The following VSNL1 variants were observed in gnomAD, a reference collection of about 807,000 sequenced individuals.
VSNL1 encodes the protein visinin like 1.
In VSNL1, 6 loss-of-function variants were observed where a neutral mutation model predicts 20.4. The observed-to-expected ratio is 0.29, with a 90% CI of 0.16 to 0.58. The LOEUF is 0.58. VSNL1 is among the 20% of genes least tolerant of loss of function. The probability of loss-of-function intolerance (pLI) is 0.90; values close to 1 mark genes in which losing one functional copy is unlikely to be tolerated. For missense variants in VSNL1, 100 were observed against 234.5 expected (o/e 0.43, Z 3.75); for synonymous variants, 93 against 86.4 (o/e 1.08, Z -0.42).
chr2:17,594,777 G>A (rs1664675346), intron 2 of VSNL1, among the ~76,000 whole-genome samples: 1 of 152,220 alleles, frequency 6.6e-6, no homozygotes, highest in Non-Finnish European at 1.5e-5. Flanking sequence ...TCTGATGAGT[G>A]TTTAAGGAGG....
chr2:17,611,045 GAGA>G, intron 2 of VSNL1, among the ~76,000 whole-genome samples: 1 of 152,344 alleles, frequency 6.6e-6, no homozygotes, highest in Non-Finnish European at 1.5e-5. Flanking sequence ...GAGAGAAACA[GAGA>G]AGGAGATAGG....
At chr2:17,612,580 CTG>C (rs1665115940) in intron 2 of VSNL1, among the ~76,000 whole-genome samples, 1 of 152,266 alleles carries the variant, frequency 6.6e-6, no homozygotes, top group Non-Finnish European at 1.5e-5. Flanking sequence ...AGGAGGAAGA[CTG>C]TGACAGAATG....
At chr2:17,597,687 A>T (rs973141438) in intron 2 of VSNL1, among the ~76,000 whole-genome samples, 1 of 152,186 alleles carries the variant, frequency 6.6e-6, no homozygotes, top group Non-Finnish European at 1.5e-5. Context: ...ATTAGAAAAC[A>T]TGCTTCCAGC....
At chr2:17,572,339 G>T (rs866185288) in intron 1 of VSNL1, among the ~76,000 whole-genome samples, 3 of 152,148 alleles carry the variant, frequency 2.0e-5, no homozygotes, top group South Asian at 2.1e-4. Flanking sequence ...TTTGTCTGGC[G>T]CATGCAGTAG....
chr2:17,649,428 G>A lies in VSNL1; in HGVS notation c.181G>A (p.Ala61Thr), dbSNP rs761448259. 2 of 1,614,168 alleles carry A rather than the reference G, an allele frequency of 1.2e-6. No homozygotes were observed. The highest frequency in any genetic ancestry group is 2.2e-5 in the East Asian group (1 of 44,876). ...LYVKFFPYGD[A>T]SKFAQHAFRT... ...TTTGCAGTTCTTTCCTTATGGAGAC[G>A]CCTCCAAGTTTGCCCAGCATGCCTT... is the stretch of plus-strand genomic sequence containing the variant. The change falls in exon 3 of 4, where the codon GCC (alanine) becomes ACC (threonine). Residue 61 changes from alanine to threonine, a missense_variant. Physicochemically the swap from Ala to Thr is moderately conservative, Grantham distance 58 (BLOSUM62 0). Coordinates refer to ENST00000295156, the MANE Select transcript of VSNL1 (RefSeq NM_003385.5). The surrounding 1 kb of genome is among the most constrained non-coding windows in gnomAD (Gnocchi z 6.4).
chr2:17,540,950 C>T (rs1384575866), intron 1 of VSNL1, 32 bp downstream of exon 1: 1 of 152,258 alleles, frequency 6.6e-6, no homozygotes, highest in Non-Finnish European at 1.5e-5. Flanking sequence ...CGTTGCATTT[C>T]TGCATGTGTA....
chr2:17,603,133 T>C (rs1253186192), intron 2 of VSNL1, among the ~76,000 whole-genome samples: 1 of 152,234 alleles, frequency 6.6e-6, no homozygotes, highest in Non-Finnish European at 1.5e-5. Context: ...ATGTCATTCC[T>C]AACAGAGAGA....
intron 1 of VSNL1, among the ~76,000 whole-genome samples, chr2:17,579,324 C>A (rs1272743510): frequency 6.6e-6 from 1 of 152,048 alleles, no homozygotes; most frequent in South Asian, 2.1e-4. Flanking sequence ...ACTGTGTTAT[C>A]CAGGATAGTG....
Position 17,649,354 on chromosome 2 carries a change from C to A in VSNL1, c.163-56C>A. 1 of 1,552,070 alleles carries A rather than the reference C, an allele frequency of 6.4e-7. No homozygotes were observed. The highest frequency in any genetic ancestry group is 1.1e-5 in the South Asian group (1 of 89,468). On this transcript the variant is annotated intron_variant, in intron 2 of 3. Transcript: ENST00000295156. The surrounding 1 kb of genome is among the most constrained non-coding windows in gnomAD (Gnocchi z 6.4). Reference sequence around the variant, plus strand: ...TGATGCCGTCATTAGGAACCTACCTCGTCGCCCCGATTCCATCCCCTCCCG... The same window carrying A: ...TGATGCCGTCATTAGGAACCTACCTAGTCGCCCCGATTCCATCCCCTCCCG...
intron 1 of VSNL1, among the ~76,000 whole-genome samples, chr2:17,583,948 T>G (rs1399735452): frequency 6.6e-6 from 1 of 152,224 alleles, no homozygotes. Context: ...ATGAGGATAA[T>G]AATAGTTACT....
intron 2 of VSNL1, among the ~76,000 whole-genome samples, chr2:17,613,864 T>C (rs1665149668): frequency 6.6e-6 from 1 of 152,168 alleles, no homozygotes; most frequent in South Asian, 2.1e-4. Context: ...GGGAGATCAA[T>C]AATGAGAAAG....
intron 2 of VSNL1, among the ~76,000 whole-genome samples, chr2:17,629,736 C>A (rs1320164300): frequency 1.3e-5 from 2 of 152,226 alleles, no homozygotes; most frequent in African/African-American, 4.8e-5. Flanking sequence ...CCGCATTCAA[C>A]AATTCCTGAG....
At chr2:17,585,374 C>T (rs1300584530) in intron 1 of VSNL1, among the ~76,000 whole-genome samples, 9 of 133,770 alleles carry the variant, frequency 6.7e-5, no homozygotes, top group Non-Finnish European at 1.5e-4. Flanking sequence ...AGATATTTGC[C>T]TTCATTATAA....
intron 1 of VSNL1, among the ~76,000 whole-genome samples, chr2:17,566,594 T>A (rs971405030): frequency 6.6e-6 from 1 of 152,192 alleles, no homozygotes; most frequent in Non-Finnish European, 1.5e-5. Context: ...TTGGAATTCC[T>A]TATAAATTCT....
chr2:17,579,643 A>G (rs1234360994), intron 1 of VSNL1, among the ~76,000 whole-genome samples: 3 of 152,212 alleles, frequency 2.0e-5, no homozygotes, highest in Non-Finnish European at 1.5e-5. Context: ...AAGGTCACAC[A>G]GGAAAACACT....
Position 17,623,180 on chromosome 2 carries a change from GAATAGATGTAATTA to G in VSNL1, c.163-26225_163-26212del, listed in dbSNP as rs1665426540. On this transcript the variant is annotated intron_variant, in intron 2 of 3. Coordinates refer to ENST00000295156, the MANE Select transcript of VSNL1 (RefSeq NM_003385.5). The stretch of plus-strand genomic sequence containing the variant: ...TTATATCAATATCTTAAAAAAAATT[GAATAGATGTAATTA>G]AATATGAATTTAAAATCATTCTAAA... Among the ~76,000 whole-genome samples the G allele has an allele frequency of 1.1e-4, 16 of 152,142 alleles. No individual in the cohort carries two copies. The South Asian group carries it at 3.3e-3, about 32-fold the overall frequency.
chr2:17,584,217 C>T (rs1329806695), intron 1 of VSNL1, among the ~76,000 whole-genome samples: 2 of 150,626 alleles, frequency 1.3e-5, no homozygotes, highest in Non-Finnish European at 3.0e-5. Context: ...AAAGAGACAT[C>T]AGAACCTGAC....
chr2:17,655,424 A>T lies in VSNL1; in HGVS notation c.*30A>T. ...ATGTCAATGCTATGGACTGCACAAA[A>T]GTCTCAATGTTCCATTCAGTCTGCA... is the stretch of plus-strand genomic sequence containing the variant. On this transcript the variant is annotated 3_prime_UTR_variant, in exon 4 of 4. Transcript: ENST00000295156. The surrounding 1 kb of genome is among the most constrained non-coding windows in gnomAD (Gnocchi z 5.2). 3.8e-6 allele frequency: 6 copies of T among 1,575,876 alleles called. No homozygotes were observed. The highest frequency in any genetic ancestry group is 1.4e-5 in the African/African-American group (1 of 73,698).
At chr2:17,650,146 C>T (rs931702585) in intron 3 of VSNL1, among the ~76,000 whole-genome samples, 24 of 152,252 alleles carry the variant, frequency 1.6e-4, no homozygotes, top group African/African-American at 4.8e-4. Flanking sequence ...TGCCCGGTTC[C>T]ACTTCAGGGC....
Sources: allele counts gnomAD v4.1 joint callset (sites outside exome capture counted in the v4.1 genomes callset), GRCh38; gene constraint gnomAD v4.1.1; non-coding constraint Gnocchi (gnomAD v3.1); transcripts MANE v1.5; gene names NCBI Gene and HGNC (gene_info 2026-07-23, HGNC 2026-07-21).